ANP32D: variants seen among roughly 807,000 people sequenced by gnomAD.
The protein encoded by ANP32D is acidic nuclear phosphoprotein 32 family member D.
Under a neutral mutation model 7.8 loss-of-function variants are expected in ANP32D, and 6 were observed. That is an observed-to-expected ratio of 0.77 (90% CI 0.42 to 1.52). ANP32D has a LOEUF of 1.52. ANP32D is among the 40% of genes most tolerant of loss of function. The pLI, the probability that ANP32D is intolerant of heterozygous loss-of-function variation, is 0.01. For missense variants in ANP32D, 163 were observed against 145.9 expected (o/e 1.12, Z -0.60); for synonymous variants, 69 against 59.7 (o/e 1.16, Z -0.72).
In ANP32D at chr12:48,473,102, C is replaced by T. The variant is rs78617679; in HGVS notation, c.*42C>T. 378 of 1,613,416 alleles carry T rather than the reference C, an allele frequency of 2.3e-4. 1 individual carries two copies. The African/African-American group carries it at 3.4e-3, about 15-fold the overall frequency. ...TCCTCCTGCAACTCACATATCTCAACGGCTGTGACCCGGATGACAAGGAGG... is the reference window on the plus strand; with the variant it reads ...TCCTCCTGCAACTCACATATCTCAATGGCTGTGACCCGGATGACAAGGAGG... On this transcript the variant is annotated 3_prime_UTR_variant, in exon 1 of 1. Transcript: ENST00000266594.
chr12:48,473,042 C>T lies in ANP32D; in HGVS notation c.378C>T (p.Thr126=). Residue 126 remains threonine, a synonymous_variant, in exon 1 of 1, where the codon ACC becomes ACT. Transcript: ENST00000266594. The part of the protein sequence containing the change: ...ESLDLFTCEV[T]NLNNY Reference sequence around the variant, plus strand: ...TAGACCTTTTCACTTGCGAGGTAACCAACCTGAACAACTACTGAGAAAAGA... The same window carrying T: ...TAGACCTTTTCACTTGCGAGGTAACTAACCTGAACAACTACTGAGAAAAGA... 6.2e-7 allele frequency: 1 copy of T among 1,614,074 alleles called. No homozygotes were observed. Among genetic ancestry groups the T allele is most frequent in the Non-Finnish European group, 8.5e-7 (1 of 1,180,006 alleles).
Position 48,473,403 on chromosome 12 carries a change from G to C in ANP32D, c.*343G>C. The C allele has an allele frequency of 8.3e-4, 630 of 758,404 alleles. No individual in the cohort carries two copies. The highest frequency in any genetic ancestry group is 1.3e-3 in the Non-Finnish European group (571 of 448,498). 47.0% of individuals were successfully genotyped at this position (758,404 alleles called of 1,614,324 possible). ...ATAAGAAACTGAAGATGAGGGAGAA[G>C]ACGATGCCTAAGTGGAATAATCTAT... On this transcript the variant is annotated 3_prime_UTR_variant, in exon 1 of 1. Coordinates refer to ENST00000266594, the MANE Select transcript of ANP32D (RefSeq NM_012404.3).
At position 48,473,454 on chromosome 12, in the gene ANP32D, A is replaced by T; in HGVS notation, c.*394A>T. The T allele has an allele frequency of 1.7e-6, 1 of 574,430 alleles. No individual in the cohort carries two copies. Among genetic ancestry groups the T allele is most frequent in the South Asian group, 1.8e-5 (1 of 55,772 alleles). 35.6% of individuals were successfully genotyped at this position (574,430 alleles called of 1,614,324 possible). A position where few individuals can be genotyped will look rare whatever the true frequency, so the allele number is the denominator to read the frequency against. ...TTTGAAAAATTCCTTTTGTGATTTT[A>T]CTGTTTTTAGCCGTATCCCCTCCCC... is the stretch of plus-strand genomic sequence containing the variant. On this transcript the variant is annotated 3_prime_UTR_variant, in exon 1 of 1. Coordinates refer to ENST00000266594, the MANE Select transcript of ANP32D (RefSeq NM_012404.3).
In ANP32D at chr12:48,473,526, T is replaced by C. The variant is rs1156489026; in HGVS notation, c.*466T>C. 1 of 365,862 alleles carries C rather than the reference T, an allele frequency of 2.7e-6. No homozygotes were observed. Among genetic ancestry groups the C allele is most frequent in the African/African-American group, 2.1e-5 (1 of 47,336 alleles). 22.7% of individuals were successfully genotyped at this position (365,862 alleles called of 1,614,324 possible). ...AACTTATTTTTTTCTGATTGTAACG[T>C]TGCTGTGGGAGCAAGAGAGGAAAAG... On this transcript the variant is annotated 3_prime_UTR_variant, in exon 1 of 1. Coordinates refer to ENST00000266594, the MANE Select transcript of ANP32D (RefSeq NM_012404.3).
Position 48,473,400 on chromosome 12 carries a change from G to C in ANP32D, c.*340G>C. On this transcript the variant is annotated 3_prime_UTR_variant, in exon 1 of 1. Transcript: ENST00000266594. ...AAAATAAGAAACTGAAGATGAGGGA[G>C]AAGACGATGCCTAAGTGGAATAATC... 1 of 834,100 alleles carries C rather than the reference G, an allele frequency of 1.2e-6. No individual in the cohort carries two copies. The highest frequency in any genetic ancestry group is 1.9e-6 in the Non-Finnish European group (1 of 512,876). The allele number at this position is 834,100 out of a possible 1,614,324, so 51.7% of individuals were successfully genotyped here.
Position 48,473,269 on chromosome 12 carries a change from A to G in ANP32D, c.*209A>G. ...GAGGAGGAGGAACGTGAAGAGGAGG[A>G]CGTGAGTGGAGACGAGGAGGAGAAG... On this transcript the variant is annotated 3_prime_UTR_variant, in exon 1 of 1. Coordinates refer to ENST00000266594, the MANE Select transcript of ANP32D (RefSeq NM_012404.3). 1 of 1,069,388 alleles carries G rather than the reference A, an allele frequency of 9.4e-7. No individual in the cohort carries two copies. Among genetic ancestry groups the G allele is most frequent in the East Asian group, 2.5e-5 (1 of 39,472 alleles). 66.2% of individuals were successfully genotyped at this position (1,069,388 alleles called of 1,614,324 possible).
At position 48,473,268 on chromosome 12, in the gene ANP32D, G is replaced by A; in HGVS notation, c.*208G>A. 9.4e-7 allele frequency: 1 copy of A among 1,067,766 alleles called. No individual in the cohort carries two copies. The allele number at this position is 1,067,766 out of a possible 1,614,324, so 66.1% of individuals were successfully genotyped here. A position where few individuals can be genotyped will look rare whatever the true frequency, so the allele number is the denominator to read the frequency against. On this transcript the variant is annotated 3_prime_UTR_variant, in exon 1 of 1. Transcript: ENST00000266594. ...TGAGGAGGAGGAACGTGAAGAGGAGGACGTGAGTGGAGACGAGGAGGAGAA... is the reference window on the plus strand; with the variant it reads ...TGAGGAGGAGGAACGTGAAGAGGAGAACGTGAGTGGAGACGAGGAGGAGAA...
chr12:48,473,117 T>A lies in ANP32D; in HGVS notation c.*57T>A. ...CATATCTCAACGGCTGTGACCCGGATGACAAGGAGGCCCCTAACTCGGATG... is the reference window on the plus strand; with the variant it reads ...CATATCTCAACGGCTGTGACCCGGAAGACAAGGAGGCCCCTAACTCGGATG... On this transcript the variant is annotated 3_prime_UTR_variant, in exon 1 of 1. Coordinates refer to ENST00000266594, the MANE Select transcript of ANP32D (RefSeq NM_012404.3). 6.2e-7 allele frequency: 1 copy of A among 1,612,422 alleles called. No individual in the cohort carries two copies. The highest frequency in any genetic ancestry group is 8.5e-7 in the Non-Finnish European group (1 of 1,178,992).
At position 48,472,829 on chromosome 12, in the gene ANP32D, C is replaced by T; in HGVS notation, c.165C>T (p.Thr55=). The change falls in exon 1 of 1, where the codon ACC becomes ACT. Residue 55 remains threonine, a synonymous_variant. Transcript: ENST00000266594. ...ELLNTINIGL[T]SIANLPKLNK... ...TAAATACAATCAACATAGGCCTCAC[C>T]TCAATTGCAAACTTGCCAAAGTTAA... is the stretch of plus-strand genomic sequence containing the variant. 1 of 1,614,078 alleles carries T rather than the reference C, an allele frequency of 6.2e-7. No homozygotes were observed. The highest frequency in any genetic ancestry group is 8.5e-7 in the Non-Finnish European group (1 of 1,180,000).
chr12:48,473,416 T>A lies in ANP32D; in HGVS notation c.*356T>A. ...GATGAGGGAGAAGACGATGCCTAAG[T>A]GGAATAATCTATTTTGAAAAATTCC... On this transcript the variant is annotated 3_prime_UTR_variant, in exon 1 of 1. Transcript: ENST00000266594. 1 of 711,664 alleles carries A rather than the reference T, an allele frequency of 1.4e-6. No individual in the cohort carries two copies. Among genetic ancestry groups the A allele is most frequent in the Non-Finnish European group, 2.4e-6 (1 of 419,166 alleles). The allele number at this position is 711,664 out of a possible 1,614,324, so 44.1% of individuals were successfully genotyped here. A position where few individuals can be genotyped will look rare whatever the true frequency, so the allele number is the denominator to read the frequency against.
chr12:48,472,712 C>T lies in ANP32D; in HGVS notation c.48C>T (p.Pro16=), dbSNP rs749170529. 4 of 1,614,154 alleles carry T rather than the reference C, an allele frequency of 2.5e-6. No individual in the cohort carries two copies. Among genetic ancestry groups the T allele is most frequent in the Admixed American group, 3.3e-5 (2 of 60,024 alleles). ...WIHLELRNRT[P]SDVKELFLDN... ...ATTTAGAGCTGCGGAACAGGACGCC[C>T]TCCGATGTGAAAGAACTTTTCCTGG... Residue 16 remains proline, a synonymous_variant, in exon 1 of 1, where the codon CCC becomes CCT. Coordinates refer to ENST00000266594, the MANE Select transcript of ANP32D (RefSeq NM_012404.3).
rs556968684 is a variant in ANP32D, at chr12:48,473,238, G to A, written c.*178G>A. The stretch of plus-strand genomic sequence containing the variant: ...TCAGGTAATGGAAGATGAGGAGGAC[G>A]AGGATGAGGAGGAGGAACGTGAAGA... On this transcript the variant is annotated 3_prime_UTR_variant, in exon 1 of 1. Coordinates refer to ENST00000266594, the MANE Select transcript of ANP32D (RefSeq NM_012404.3). 7 of 1,122,172 alleles carry A rather than the reference G, an allele frequency of 6.2e-6. No individual in the cohort carries two copies. Among genetic ancestry groups the A allele is most frequent in the South Asian group, 2.6e-5 (2 of 77,756 alleles). The allele number at this position is 1,122,172 out of a possible 1,614,324, so 69.5% of individuals were successfully genotyped here.
At position 48,473,456 on chromosome 12, in the gene ANP32D, T is replaced by A; in HGVS notation, c.*396T>A. The A allele has an allele frequency of 1.8e-6, 1 of 560,188 alleles. No homozygotes were observed. Among genetic ancestry groups the A allele is most frequent in the Non-Finnish European group, 3.2e-6 (1 of 314,332 alleles). The allele number at this position is 560,188 out of a possible 1,614,324, so 34.7% of individuals were successfully genotyped here. On this transcript the variant is annotated 3_prime_UTR_variant, in exon 1 of 1. Coordinates refer to ENST00000266594, the MANE Select transcript of ANP32D (RefSeq NM_012404.3). ...TGAAAAATTCCTTTTGTGATTTTAC[T>A]GTTTTTAGCCGTATCCCCTCCCCCA...
chr12:48,473,471 C>A lies in ANP32D; in HGVS notation c.*411C>A, dbSNP rs1954100198. On this transcript the variant is annotated 3_prime_UTR_variant, in exon 1 of 1. Coordinates refer to ENST00000266594, the MANE Select transcript of ANP32D (RefSeq NM_012404.3). ...GTGATTTTACTGTTTTTAGCCGTAT[C>A]CCCTCCCCCACTCCAATCCTGCCCC... 2.1e-6 allele frequency: 1 copy of A among 486,266 alleles called. No homozygotes were observed. Among genetic ancestry groups the A allele is most frequent in the South Asian group, 1.9e-5 (1 of 51,396 alleles). 30.1% of individuals were successfully genotyped at this position (486,266 alleles called of 1,614,324 possible).
rs1352279611 is a variant in ANP32D, at chr12:48,473,133, A to G, written c.*73A>G. 6.2e-7 allele frequency: 1 copy of G among 1,604,248 alleles called. No individual in the cohort carries two copies. Among genetic ancestry groups the G allele is most frequent in the African/African-American group, 1.3e-5 (1 of 74,792 alleles). ...TGACCCGGATGACAAGGAGGCCCCT[A>G]ACTCGGATGGTGAGGGCTTTGTGGA... On this transcript the variant is annotated 3_prime_UTR_variant, in exon 1 of 1. Coordinates refer to ENST00000266594, the MANE Select transcript of ANP32D (RefSeq NM_012404.3).
chr12:48,473,028 A>T lies in ANP32D; in HGVS notation c.364A>T (p.Thr122Ser), dbSNP rs761713730. The T allele has an allele frequency of 3.7e-6, 6 of 1,614,154 alleles. No individual in the cohort carries two copies. The highest frequency in any genetic ancestry group is 4.2e-6 in the Non-Finnish European group (5 of 1,180,032). Residue 122 changes from threonine (T) to serine (S), a missense_variant, in exon 1 of 1, where the codon ACT becomes TCT. Coordinates refer to ENST00000266594, the MANE Select transcript of ANP32D (RefSeq NM_012404.3). ...AAACCTCGAGAGCTTAGACCTTTTC[A>T]CTTGCGAGGTAACCAACCTGAACAA... ...LENLESLDLFTCEVTNLNNY is the reference protein window; with the variant it reads ...LENLESLDLFSCEVTNLNNY
rs769520621 is a variant in ANP32D, at chr12:48,473,068, T to G, written c.*8T>G. 1.2e-6 allele frequency: 2 copies of G among 1,614,090 alleles called. No individual in the cohort carries two copies. The highest frequency in any genetic ancestry group is 1.7e-6 in the Non-Finnish European group (2 of 1,180,014). On this transcript the variant is annotated 3_prime_UTR_variant, in exon 1 of 1. Transcript: ENST00000266594. ...AACCTGAACAACTACTGAGAAAAGA[T>G]GTTCAAGCTCCTCCTGCAACTCACA... is the stretch of plus-strand genomic sequence containing the variant.
chr12:48,473,172 AAGG>A lies in ANP32D; in HGVS notation c.*120_*122del, dbSNP rs1388793975. On this transcript the variant is annotated 3_prime_UTR_variant, in exon 1 of 1. Transcript: ENST00000266594. ...GGGCTTTGTGGAGTGCCTGGATGAC[AAGG>A]AGGAGGATGAGGATGAGGAGGAGTA... 24 of 1,480,656 alleles carry A rather than the reference AAGG, an allele frequency of 1.6e-5. No individual in the cohort carries two copies. The highest frequency in any genetic ancestry group is 1.9e-5 in the Non-Finnish European group (20 of 1,060,822). The allele number at this position is 1,480,656 out of a possible 1,614,324, so 91.7% of individuals were successfully genotyped here.
rs1954102116 is a variant in ANP32D at position 48,473,576 on chromosome 12, G to A, written c.*516G>A. ...GTGTACTGGGGGTTGTGAGGGAAGG[G>A]AGGGGAGGAGGGGGTGGAATAAAAT... On this transcript the variant is annotated 3_prime_UTR_variant, in exon 1 of 1. Coordinates refer to ENST00000266594, the MANE Select transcript of ANP32D (RefSeq NM_012404.3). 1 of 299,490 alleles carries A rather than the reference G, an allele frequency of 3.3e-6. No individual in the cohort carries two copies. The allele number at this position is 299,490 out of a possible 1,614,324, so 18.6% of individuals were successfully genotyped here.
Sources: allele counts gnomAD v4.1 joint callset, GRCh38; gene constraint gnomAD v4.1.1; transcripts MANE v1.5; gene names NCBI Gene and HGNC (gene_info 2026-07-23, HGNC 2026-07-21).